The following ERICH1 variants were observed in gnomAD, a reference collection of about 807,000 sequenced individuals.
ERICH1 encodes the protein glutamate rich 1.
A neutral mutation model predicts 39.6 loss-of-function variants in ERICH1; 56 were observed. The observed-to-expected ratio is 1.41, with a 90% confidence interval of 1.14 to 1.77. The LOEUF is 1.77. Ranked by LOEUF, ERICH1 falls within the 40% of genes most tolerant of loss-of-function variation. The pLI is 0.00. For synonymous variants in ERICH1, 313 were observed against 223.6 expected (o/e 1.40, Z -3.57); for missense variants, 826 against 575.4 (o/e 1.44, Z -4.45).
intron 3 of ERICH1, among the ~76,000 whole-genome samples, chr8:628,730 C>G (rs1367487325): frequency 6.6e-6 from 1 of 152,214 alleles, no homozygotes; most frequent in East Asian, 1.9e-4. Context: ...CTCATCCCCA[C>G]CCATACCCTC....
intron 3 of ERICH1, among the ~76,000 whole-genome samples, chr8:635,715 G>C (rs558351251): frequency 3.3e-5 from 5 of 152,222 alleles, no homozygotes; most frequent in African/African-American, 4.8e-5. Context: ...CTCTAGCAAC[G>C]GGGTGTGAGC....
At chr8:702,073 T>A in intron 2 of ERICH1, among the ~76,000 whole-genome samples, 2 of 58,212 alleles carry the variant, frequency 3.4e-5, no homozygotes, top group Admixed American at 2.9e-4. Context: ...CGGGACTACA[T>A]CTCAAAAAAA....
At chr8:638,139 G>C (rs1470490339) in intron 3 of ERICH1, among the ~76,000 whole-genome samples, 1 of 152,252 alleles carries the variant, frequency 6.6e-6, no homozygotes, top group African/African-American at 2.4e-5. Context: ...CACCTGCTGA[G>C]GAAGGGCCCA....
intron 3 of ERICH1, among the ~76,000 whole-genome samples, chr8:688,126 G>C (rs1025566009): frequency 1.4e-4 from 22 of 152,210 alleles, no homozygotes; most frequent in African/African-American, 5.3e-4. Context: ...GGAGAGGAGG[G>C]AGGGTCTGCA....
intron 3 of ERICH1, among the ~76,000 whole-genome samples, chr8:632,940 A>G (rs1353295460): frequency 3.3e-5 from 5 of 152,224 alleles, no homozygotes; most frequent in Admixed American, 3.3e-4. Context: ...CCCACAGCAA[A>G]GAGCCGTTTA....
downstream of ERICH1, among the ~76,000 whole-genome samples, chr8:663,198 T>C (rs1801689367): frequency 6.6e-6 from 1 of 152,194 alleles, no homozygotes; most frequent in Non-Finnish European, 1.5e-5. Flanking sequence ...CTTAGGGACC[T>C]GGAGGGAAGT....
At chr8:634,183 A>AAAACAAAAACAAACAAACAAAC (rs1554481910) in intron 3 of ERICH1, among the ~76,000 whole-genome samples, 2 of 135,808 alleles carry the variant, frequency 1.5e-5, no homozygotes, top group African/African-American at 5.8e-5. Context: ...AAAAAAAAAA[A>AAAACAAAAACAAACAAACAAAC]AAACAAACAA....
intron 2 of ERICH1, among the ~76,000 whole-genome samples, chr8:713,003 A>C (rs1333451720): frequency 6.6e-6 from 1 of 152,228 alleles, no homozygotes; most frequent in Non-Finnish European, 1.5e-5. Context: ...TTGTTCTCTC[A>C]CAGCCCGGAA....
chr8:630,581 A>G (rs113332355), intron 3 of ERICH1, among the ~76,000 whole-genome samples: 2 of 106,208 alleles, frequency 1.9e-5, no homozygotes, highest in African/African-American at 4.1e-5. Context: ...CCACCCACAC[A>G]GACAGAGCTG....
chr8:689,814 G>C (rs1156667613), intron 3 of ERICH1, among the ~76,000 whole-genome samples: 1 of 152,172 alleles, frequency 6.6e-6, no homozygotes, highest in East Asian at 1.9e-4. Context: ...AGCACAACGT[G>C]CTTATCCCAG....
At chr8:701,534 G>A (rs1812147147) in intron 2 of ERICH1, among the ~76,000 whole-genome samples, 1 of 152,234 alleles carries the variant, frequency 6.6e-6, no homozygotes, top group Non-Finnish European at 1.5e-5. Flanking sequence ...CGCTGCCACA[G>A]GGAATGGCCC....
intron 4 of ERICH1, among the ~76,000 whole-genome samples, chr8:672,611 G>A (rs1327522165): frequency 6.6e-6 from 1 of 152,140 alleles, no homozygotes; most frequent in Non-Finnish European, 1.5e-5. Flanking sequence ...AAAAATTAAA[G>A]AGAAGAAAGC....
At chr8:711,359 T>C (rs1464114389) in intron 2 of ERICH1, among the ~76,000 whole-genome samples, 1 of 152,218 alleles carries the variant, frequency 6.6e-6, no homozygotes, top group East Asian at 1.9e-4. Flanking sequence ...ACTGGACATC[T>C]ACTTATCAAT....
downstream of ERICH1, among the ~76,000 whole-genome samples, chr8:661,310 C>G (rs371383159): frequency 2.6e-5 from 4 of 152,242 alleles, no homozygotes; most frequent in East Asian, 7.8e-4. Flanking sequence ...GAACCCACCA[C>G]AGTTCTGCCC....
chr8:658,779 G>A (rs565819625), intron 3 of ERICH1, among the ~76,000 whole-genome samples: 24 of 152,334 alleles, frequency 1.6e-4, no homozygotes, highest in South Asian at 4.1e-4. Flanking sequence ...GCAAGGCCTC[G>A]ATCGGGGACT....
At chr8:680,883 G>A (rs1805970277) in intron 3 of ERICH1, among the ~76,000 whole-genome samples, 1 of 152,210 alleles carries the variant, frequency 6.6e-6, no homozygotes, top group Non-Finnish European at 1.5e-5. Context: ...TCTGTGAGCA[G>A]ATCCACTGGG....
chr8:695,540 GCCC>G lies in ERICH1; in HGVS notation c.170-2931_170-2929del, dbSNP rs1563283188. The stretch of plus-strand genomic sequence containing the variant: ...GCCTGCACCTGTGCTTGCTCCTCTC[GCCC>G]TCCACTCCTCTCCTTCCTCCCCATC... On this transcript the variant is annotated intron_variant, in intron 2 of 5. Coordinates refer to ENST00000262109, the MANE Select transcript of ERICH1 (RefSeq NM_207332.3). 9.6e-4 allele frequency among the ~76,000 whole-genome samples: 69 copies of G among 72,106 alleles called. 1 individual carries two copies. Among genetic ancestry groups the G allele is most frequent in the African/African-American group, 3.8e-3 (67 of 17,660 alleles). 47.3% of individuals were successfully genotyped at this position (72,106 alleles called of 152,430 possible).
intron 2 of ERICH1, among the ~76,000 whole-genome samples, chr8:707,444 G>C (rs765396594): frequency 6.6e-6 from 1 of 152,088 alleles, no homozygotes; most frequent in Non-Finnish European, 1.5e-5. Context: ...CTGACCTCAA[G>C]TGATCCATCC....
At chr8:677,008 G>A (rs1381024137) in intron 3 of ERICH1, among the ~76,000 whole-genome samples, 1 of 152,196 alleles carries the variant, frequency 6.6e-6, no homozygotes, top group Non-Finnish European at 1.5e-5. Flanking sequence ...CTTCCACAAT[G>A]AAGCTCTTCA....
Sources: allele counts gnomAD v4.1 joint callset (sites outside exome capture counted in the v4.1 genomes callset), GRCh38; gene constraint gnomAD v4.1.1; transcripts MANE v1.5; gene names NCBI Gene and HGNC (gene_info 2026-07-23, HGNC 2026-07-21).